CHD9: variants seen among roughly 807,000 people sequenced by gnomAD.
CHD9 encodes the protein ATP-dependent chromatin remodeler CHD9.
In CHD9, 77 loss-of-function variants were observed where a neutral mutation model predicts 316.1. The ratio of observed to expected loss-of-function variants is 0.24; its 90% CI spans 0.20 to 0.29. The LOEUF is 0.29. CHD9 is among the 10% of genes least tolerant of loss of function. The pLI is 1.00. For missense variants in CHD9, 2,763 were observed against 3,438.1 expected, an observed-to-expected ratio of 0.80 and a Z score of 4.91; for synonymous variants, 1,129 against 1,158.3, an observed-to-expected ratio of 0.97 and a Z score of 0.51.
chr16:53,070,028 G>A (rs920972977), intron 1 of CHD9, among the ~76,000 whole-genome samples: 8 of 152,050 alleles, frequency 5.3e-5, no homozygotes, highest in East Asian at 1.9e-4. Context: ...CTTTTCATGC[G>A]CTTACTGGCC....
At position 53,227,469 on chromosome 16, in the gene CHD9, G is replaced by A; in HGVS notation, c.2112+5G>A. On this transcript the variant is annotated splice_donor_5th_base_variant and intron_variant, in intron 6 of 38. Coordinates refer to ENST00000447540, the MANE Select transcript of CHD9 (RefSeq NM_001308319.2). ...TCTAGAACCGTAAAAAAGGAAGTAA[G>A]TACTGGTACATTACATTTTACACTT... 1 of 1,538,560 alleles carries A rather than the reference G, an allele frequency of 6.5e-7. No individual in the cohort carries two copies.
rs761411496 is a variant in CHD9 at position 53,235,171 on chromosome 16, G to A, written c.2512-14G>A. ...AAGATTTAAACACCATTCATTCTTT[G>A]TTTTTCCACAAAGGACCGTCCTCCT... On this transcript the variant is annotated splice_polypyrimidine_tract_variant and intron_variant, in intron 10 of 38. Coordinates refer to ENST00000447540, the MANE Select transcript of CHD9 (RefSeq NM_001308319.2). 6.5e-7 allele frequency: 1 copy of A among 1,549,300 alleles called. No individual in the cohort carries two copies. The highest frequency in any genetic ancestry group is 1.2e-5 in the South Asian group (1 of 82,854).
intron 2 of CHD9, among the ~76,000 whole-genome samples, chr16:53,197,384 C>G (rs534280767): frequency 6.6e-6 from 1 of 152,104 alleles, no homozygotes; most frequent in Non-Finnish European, 1.5e-5. Context: ...CAACAATACA[C>G]GAACAAATTG....
At chr16:53,204,740 T>A (rs1310666178) in intron 2 of CHD9, among the ~76,000 whole-genome samples, 1 of 152,168 alleles carries the variant, frequency 6.6e-6, no homozygotes, top group African/African-American at 2.4e-5. Flanking sequence ...AAATAACATA[T>A]CACATATGAT....
Position 53,324,964 on chromosome 16 carries a change from C to G in CHD9, c.*69C>G. 7.6e-7 allele frequency: 1 copy of G among 1,322,526 alleles called. No homozygotes were observed. Among genetic ancestry groups the G allele is most frequent in the Non-Finnish European group, 1.0e-6 (1 of 982,102 alleles). The allele number at this position is 1,322,526 out of a possible 1,614,324, so 81.9% of individuals were successfully genotyped here. ...TTCTTTAATAATTAATTGTAAATAC[C>G]CCAGTGTTGAGTGCATCAATAACTT... On this transcript the variant is annotated 3_prime_UTR_variant, in exon 39 of 39. Transcript: ENST00000447540.
At chr16:53,159,174 C>T (rs2042027) in intron 2 of CHD9, among the ~76,000 whole-genome samples, 19,338 of 151,990 alleles carry the variant, frequency 0.13, 1,376 homozygotes, top group South Asian at 0.23. Flanking sequence ...CCCAGCTACT[C>T]AAGAGGCTGA....
rs375824704 is a variant in CHD9 at position 53,147,966 on chromosome 16, G to A, written c.-164-7960G>A. 3.4e-3 allele frequency among the ~76,000 whole-genome samples: 513 copies of A among 152,240 alleles called. 1 individual carries two copies. The highest frequency in any genetic ancestry group is 0.012 in the African/African-American group (480 of 41,528). ...TGGCTGTAATCTCAGCACTTTGGGA[G>A]GTTGAGGTGGGTGGATCACCTGAGG... On this transcript the variant is annotated intron_variant, in intron 1 of 38. Transcript: ENST00000447540.
At chr16:53,194,497 T>TC (rs1474195386) in intron 2 of CHD9, among the ~76,000 whole-genome samples, 5 of 152,038 alleles carry the variant, frequency 3.3e-5, no homozygotes, top group Non-Finnish European at 7.4e-5. Flanking sequence ...TCACTTGAGC[T>TC]GGGAGGTGGA....
At chr16:53,119,888 A>G (rs539549552) in intron 1 of CHD9, among the ~76,000 whole-genome samples, 1 of 152,192 alleles carries the variant, frequency 6.6e-6, no homozygotes, top group Non-Finnish European at 1.5e-5. Flanking sequence ...CTCCATTGCC[A>G]TTTTCTCTTT....
intron 29 of CHD9, among the ~76,000 whole-genome samples, chr16:53,295,161 C>CT (rs1186725648): frequency 5.9e-5 from 9 of 152,218 alleles, no homozygotes; most frequent in Non-Finnish European, 1.0e-4. Flanking sequence ...GAGTCTCCCT[C>CT]TGTCACCCAA....
intron 29 of CHD9, among the ~76,000 whole-genome samples, chr16:53,294,956 C>T (rs183282070): frequency 6.6e-6 from 1 of 152,290 alleles, no homozygotes; most frequent in African/African-American, 2.4e-5. Context: ...TAGGTTTTAA[C>T]ATGCATTTCT....
At chr16:53,123,082 C>T (rs951393229) in intron 1 of CHD9, among the ~76,000 whole-genome samples, 61 of 151,372 alleles carry the variant, frequency 4.0e-4, no homozygotes, top group African/African-American at 1.4e-3. Context: ...AAGCTGGTCT[C>T]GAACTCACAC....
chr16:53,095,115 C>T (rs2036269367), intron 1 of CHD9, among the ~76,000 whole-genome samples: 1 of 152,164 alleles, frequency 6.6e-6, no homozygotes, highest in Non-Finnish European at 1.5e-5. Context: ...CCTGTGTCCT[C>T]CCTTCCTATT....
At chr16:53,102,550 A>G (rs1292582338) in intron 1 of CHD9, among the ~76,000 whole-genome samples, 1 of 151,954 alleles carries the variant, frequency 6.6e-6, no homozygotes, top group East Asian at 1.9e-4. Flanking sequence ...CACAATAAAT[A>G]TTTTTTTAAT....
At chr16:53,109,422 A>C (rs574177024) in intron 1 of CHD9, among the ~76,000 whole-genome samples, 1 of 152,220 alleles carries the variant, frequency 6.6e-6, no homozygotes, top group Admixed American at 6.5e-5. Flanking sequence ...CAATGCAAGA[A>C]AGCAGCATTT....
At chr16:53,243,914 TAA>T (rs770031785) in intron 13 of CHD9, among the ~76,000 whole-genome samples, 2 of 152,148 alleles carry the variant, frequency 1.3e-5, no homozygotes, top group Non-Finnish European at 2.9e-5. Context: ...TGTAAAAACT[TAA>T]AGTTTTCCTT....
At position 53,272,999 on chromosome 16, in the gene CHD9, G is replaced by A. The variant is rs865930511; in HGVS notation, c.4718-627G>A. Reference sequence around the variant, plus strand: ...AGCTACTCAGGAGGCTGAGGGAGGAGAATCACTTGAACCCAGAAGGCAGAG... The same window carrying A: ...AGCTACTCAGGAGGCTGAGGGAGGAAAATCACTTGAACCCAGAAGGCAGAG... On this transcript the variant is annotated intron_variant, in intron 22 of 38. Transcript: ENST00000447540. 1.2e-4 allele frequency among the ~76,000 whole-genome samples: 19 copies of A among 152,128 alleles called. 1 individual carries two copies. Among genetic ancestry groups the A allele is most frequent in the Middle Eastern group, 6.8e-3 (2 of 294 alleles).
intron 37 of CHD9, among the ~76,000 whole-genome samples, chr16:53,318,835 C>T (rs2057069428): frequency 6.6e-6 from 1 of 152,208 alleles, no homozygotes. Flanking sequence ...TCTAAGAGGA[C>T]ACCACTCACA....
At chr16:53,296,218 T>C (rs1394023060) in intron 29 of CHD9, among the ~76,000 whole-genome samples, 1 of 152,134 alleles carries the variant, frequency 6.6e-6, no homozygotes, top group Admixed American at 6.6e-5. Context: ...CATACAAATA[T>C]AAGGTATTAC....
Sources: gnomAD v4.1 joint callset for allele counts (sites outside exome capture counted in the v4.1 genomes callset) on GRCh38, gnomAD v4.1.1 for gene constraint, MANE v1.5 for transcripts, NCBI Gene and HGNC (gene_info 2026-07-23, HGNC 2026-07-21) for gene names.